The following GRID2 variants were observed in gnomAD, a reference collection of about 807,000 sequenced individuals.
GRID2 encodes the protein glutamate ionotropic receptor delta type subunit 2.
In GRID2, 33 loss-of-function variants were observed where a neutral mutation model predicts 114.8. The ratio of observed to expected loss-of-function variants is 0.29; its 90% CI spans 0.22 to 0.38. GRID2 has a LOEUF of 0.38. Among genes scored for constraint, GRID2 ranks in the 10% least tolerant of loss-of-function variants. The pLI is 1.00. For missense variants in GRID2, 1,184 were observed against 1,257.7 expected, an observed-to-expected ratio of 0.94 and a Z score of 0.89; for synonymous variants, 505 against 449.9, an observed-to-expected ratio of 1.12 and a Z score of -1.55.
chr4:93,281,934 C>G (rs1466420583), intron 8 of GRID2, among the ~76,000 whole-genome samples: 1 of 151,918 alleles, frequency 6.6e-6, no homozygotes, highest in African/African-American at 2.4e-5. Context: ...CCAAACTAGC[C>G]CCTTTTATTC....
chr4:92,670,868 T>C (rs79712534), intron 2 of GRID2, among the ~76,000 whole-genome samples: 2,227 of 152,172 alleles, frequency 0.015, 50 homozygotes, highest in African/African-American at 0.051. Flanking sequence ...CTGTTCAACT[T>C]CAAAATCTGT....
rs1032814392 is a variant in GRID2, at chr4:92,871,883, G to A, written c.245-213112G>A. On this transcript the variant is annotated intron_variant, in intron 2 of 15. Transcript: ENST00000282020. ...TGAAAATGTTTTTTACTACCTTGAG[G>A]GGCTCTTTTTCCTGTGAGTTTCTTT... 1.4e-4 allele frequency among the ~76,000 whole-genome samples: 21 copies of A among 151,992 alleles called. 1 individual carries two copies. Among genetic ancestry groups the A allele is most frequent in the Non-Finnish European group, 2.8e-4 (19 of 67,996 alleles).
chr4:92,788,200 A>T (rs1457947082), intron 2 of GRID2, among the ~76,000 whole-genome samples: 1 of 151,700 alleles, frequency 6.6e-6, no homozygotes, highest in Non-Finnish European at 1.5e-5. Context: ...AAATAGGAAG[A>T]TGTAGCAAAG....
chr4:92,327,085 A>G (rs1331184513), intron 1 of GRID2, among the ~76,000 whole-genome samples: 1 of 151,752 alleles, frequency 6.6e-6, no homozygotes, highest in East Asian at 1.9e-4. Flanking sequence ...AAGGCAAAAT[A>G]TTTCTTCTAC....
intron 1 of GRID2, among the ~76,000 whole-genome samples, chr4:92,578,752 C>CTATCTATG (rs1327522320): frequency 6.6e-6 from 1 of 151,942 alleles, no homozygotes; most frequent in African/African-American, 2.4e-5. Context: ...ATCTATCTAT[C>CTATCTATG]TATCTATCTA....
intron 4 of GRID2, among the ~76,000 whole-genome samples, chr4:93,158,716 C>A (rs1364820686): frequency 6.6e-6 from 1 of 151,798 alleles, no homozygotes; most frequent in African/African-American, 2.4e-5. Flanking sequence ...ATTATTTGAA[C>A]TCCAGCTGTC....
At chr4:93,688,452 G>A (rs1433503352) in intron 14 of GRID2, among the ~76,000 whole-genome samples, 3 of 151,940 alleles carry the variant, frequency 2.0e-5, no homozygotes, top group East Asian at 1.9e-4. Flanking sequence ...ACCTTGAAAG[G>A]TAGAGTATTT....
At chr4:92,675,153 T>C (rs1000362247) in intron 2 of GRID2, among the ~76,000 whole-genome samples, 9 of 152,208 alleles carry the variant, frequency 5.9e-5, no homozygotes, top group Non-Finnish European at 1.3e-4. Context: ...GTTAGAGCAC[T>C]ATTACTATAT....
At chr4:92,536,424 A>C (rs1725636021) in intron 1 of GRID2, among the ~76,000 whole-genome samples, 1 of 152,112 alleles carries the variant, frequency 6.6e-6, no homozygotes, top group Non-Finnish European at 1.5e-5. Context: ...TTCACCTCTC[A>C]CTACGTTGCA....
At chr4:92,358,583 A>G (rs1267552198) in intron 1 of GRID2, among the ~76,000 whole-genome samples, 3 of 151,986 alleles carry the variant, frequency 2.0e-5, no homozygotes, top group Non-Finnish European at 4.4e-5. Context: ...GTACTTCATT[A>G]ATACTATAAC....
intron 1 of GRID2, among the ~76,000 whole-genome samples, chr4:92,482,000 A>G (rs1560660427): frequency 3.6e-5 from 2 of 55,996 alleles, no homozygotes; most frequent in South Asian, 5.6e-4. Flanking sequence ...ATATATATAT[A>G]TATATATATA....
chr4:93,041,677 C>A (rs768198239), intron 2 of GRID2, among the ~76,000 whole-genome samples: 1 of 152,160 alleles, frequency 6.6e-6, no homozygotes, highest in Non-Finnish European at 1.5e-5. Context: ...ACTACCTTAG[C>A]ATATTTTTAA....
intron 14 of GRID2, among the ~76,000 whole-genome samples, chr4:93,678,398 C>G (rs181616615): frequency 6.6e-6 from 1 of 152,066 alleles, no homozygotes; most frequent in African/African-American, 2.4e-5. Flanking sequence ...CAAGGCAGGC[C>G]AACATTCAGA....
At chr4:93,709,229 C>A (rs188983783) in intron 14 of GRID2, among the ~76,000 whole-genome samples, 1 of 152,208 alleles carries the variant, frequency 6.6e-6, no homozygotes, top group Admixed American at 6.5e-5. Flanking sequence ...ACTTCCTTTT[C>A]TTTCAGATTG....
At chr4:93,152,269 T>C (rs747419496) in intron 4 of GRID2, among the ~76,000 whole-genome samples, 2 of 152,138 alleles carry the variant, frequency 1.3e-5, no homozygotes, top group Non-Finnish European at 2.9e-5. Flanking sequence ...TAAAGTAGAC[T>C]TCACCAGGTT....
At chr4:92,312,146 T>C (rs567679625) in intron 1 of GRID2, among the ~76,000 whole-genome samples, 3 of 152,036 alleles carry the variant, frequency 2.0e-5, no homozygotes, top group South Asian at 2.1e-4. Flanking sequence ...TTAAGAAATA[T>C]ATTCAAAGGC....
intron 2 of GRID2, among the ~76,000 whole-genome samples, chr4:92,937,349 A>T (rs923920804): frequency 6.8e-6 from 1 of 146,672 alleles, no homozygotes; most frequent in African/African-American, 2.4e-5. Flanking sequence ...TTGATCCATT[A>T]TAAGTTAATT....
intron 1 of GRID2, among the ~76,000 whole-genome samples, chr4:92,308,548 C>T (rs769651631): frequency 5.3e-5 from 8 of 152,016 alleles, no homozygotes; most frequent in African/African-American, 1.9e-4. Flanking sequence ...CTAAGATAAT[C>T]CACAGAATAT....
At position 92,601,952 on chromosome 4, in the gene GRID2, A is replaced by T. The variant is rs555166717; in HGVS notation, c.244+11666A>T. 6.6e-5 allele frequency among the ~76,000 whole-genome samples: 10 copies of T among 152,210 alleles called. No individual in the cohort carries two copies. In the South Asian group the frequency reaches 2.1e-3, roughly 32 times the overall value. Reference sequence around the variant, plus strand: ...TCCTGGACACATACCCCCTCGCAAGACTGAACCAGGAAGAAGTTGAATTCT... The same window carrying T: ...TCCTGGACACATACCCCCTCGCAAGTCTGAACCAGGAAGAAGTTGAATTCT... On this transcript the variant is annotated intron_variant, in intron 2 of 15. Coordinates refer to ENST00000282020, the MANE Select transcript of GRID2 (RefSeq NM_001510.4).
Sources: gnomAD v4.1 joint callset for allele counts (sites outside exome capture counted in the v4.1 genomes callset) on GRCh38, gnomAD v4.1.1 for gene constraint, MANE v1.5 for transcripts, NCBI Gene and HGNC (gene_info 2026-07-23, HGNC 2026-07-21) for gene names.